Variants in GBE1 observed in about 807,000 individuals in gnomAD.
The protein encoded by GBE1 is 1,4-alpha-glucan-branching enzyme.
A neutral mutation model predicts 88.8 loss-of-function variants in GBE1; 70 were observed. The ratio of observed to expected loss-of-function variants is 0.79; its 90% CI spans 0.65 to 0.96. The LOEUF is 0.96. GBE1 is among the 40% of genes least tolerant of loss of function. The probability of loss-of-function intolerance (pLI) is 0.00; values close to 1 mark genes in which losing one functional copy is unlikely to be tolerated. For synonymous variants in GBE1, 284 were observed against 300.1 expected (o/e 0.95, Z 0.56); for missense variants, 872 against 871.0 (o/e 1.00, Z -0.01).
chr3:81,491,644 ATC>A, intron 15 of GBE1, among the ~76,000 whole-genome samples: 1 of 152,244 alleles, frequency 6.6e-6, no homozygotes, highest in South Asian at 2.1e-4. Flanking sequence ...CATTGTGACA[ATC>A]TGTCTTCACT....
At chr3:81,659,814 A>G (rs1341688401) in intron 3 of GBE1, among the ~76,000 whole-genome samples, 2 of 152,230 alleles carry the variant, frequency 1.3e-5, no homozygotes, top group African/African-American at 4.8e-5. Context: ...ACATACAATT[A>G]CATATTCAAT....
intron 7 of GBE1, among the ~76,000 whole-genome samples, chr3:81,634,732 T>C (rs1167964655): frequency 6.6e-6 from 1 of 152,088 alleles, no homozygotes; most frequent in Non-Finnish European, 1.5e-5. Context: ...ACATTTAATA[T>C]GGAAACAACA....
intron 12 of GBE1, among the ~76,000 whole-genome samples, chr3:81,543,297 T>G (rs1356679636): frequency 6.6e-6 from 1 of 152,104 alleles, no homozygotes; most frequent in East Asian, 1.9e-4. Flanking sequence ...AGAAAAATTG[T>G]ATCAGTGATT....
chr3:81,667,580 G>T (rs1705129318), intron 3 of GBE1, among the ~76,000 whole-genome samples: 1 of 152,090 alleles, frequency 6.6e-6, no homozygotes, highest in Admixed American at 6.5e-5. Flanking sequence ...TTAGTTGTGG[G>T]TTTGTCATAA....
intron 14 of GBE1, among the ~76,000 whole-genome samples, chr3:81,518,539 A>G (rs1351856414): frequency 6.6e-6 from 1 of 151,470 alleles, no homozygotes; most frequent in African/African-American, 2.4e-5. Context: ...ATTCCTGGGT[A>G]GAGAAATGAA....
chr3:81,524,177 G>A (rs1576131540), intron 14 of GBE1, among the ~76,000 whole-genome samples: 1 of 151,604 alleles, frequency 6.6e-6, no homozygotes, highest in East Asian at 1.9e-4. Flanking sequence ...CCTGTCTTTT[G>A]GAAAAAAGTT....
At chr3:81,759,349 C>A (rs866959550) in intron 1 of GBE1, among the ~76,000 whole-genome samples, 1 of 152,134 alleles carries the variant, frequency 6.6e-6, no homozygotes, top group Non-Finnish European at 1.5e-5. Flanking sequence ...GTTGTTTGTA[C>A]CTCAAATTTT....
chr3:81,683,329 A>G (rs533337648), intron 2 of GBE1, among the ~76,000 whole-genome samples: 1 of 152,326 alleles, frequency 6.6e-6, no homozygotes, highest in Non-Finnish European at 1.5e-5. Context: ...CTTTTGCCCT[A>G]GAATAAAATC....
chr3:81,614,038 T>C (rs1576170310), intron 7 of GBE1, among the ~76,000 whole-genome samples: 1 of 152,066 alleles, frequency 6.6e-6, no homozygotes, highest in South Asian at 2.1e-4. Context: ...CTTTTTTTTG[T>C]TTTTTTAGAG....
intron 14 of GBE1, among the ~76,000 whole-genome samples, chr3:81,506,247 G>C (rs1237340512): frequency 6.6e-6 from 1 of 152,048 alleles, no homozygotes; most frequent in Non-Finnish European, 1.5e-5. Flanking sequence ...AGTAGGCAAA[G>C]GACATGAACA....
At position 81,547,569 on chromosome 3, in the gene GBE1, G is replaced by A. The variant is rs574135047; in HGVS notation, c.1619-10474C>T. On this transcript the variant is annotated intron_variant, in intron 12 of 15. Transcript: ENST00000429644. ...TCAGGGCAAGGGAACCCAGAAGCCC[G>A]GCATGCCAGCAAAAGGATAAGAATT... Among the ~76,000 whole-genome samples the A allele has an allele frequency of 6.6e-5, 10 of 150,852 alleles. No individual in the cohort carries two copies. In the East Asian group the frequency reaches 1.6e-3, roughly 23 times the overall value.
At chr3:81,541,823 T>C (rs1402882306) in intron 12 of GBE1, among the ~76,000 whole-genome samples, 1 of 152,238 alleles carries the variant, frequency 6.6e-6, no homozygotes, top group East Asian at 1.9e-4. Flanking sequence ...AAGAGTAGCA[T>C]AATTACAATT....
intron 8 of GBE1, among the ~76,000 whole-genome samples, chr3:81,591,608 A>C (rs942486447): frequency 6.6e-6 from 1 of 152,160 alleles, no homozygotes; most frequent in Non-Finnish European, 1.5e-5. Context: ...TATTATTTCA[A>C]ACACACACTT....
intron 1 of GBE1, among the ~76,000 whole-genome samples, chr3:81,734,699 T>C (rs944750718): frequency 1.3e-5 from 2 of 152,078 alleles, no homozygotes; most frequent in African/African-American, 4.8e-5. Flanking sequence ...CCTAAAACAA[T>C]GAAGGTGTTC....
At chr3:81,609,031 A>G (rs1042422439) in intron 7 of GBE1, among the ~76,000 whole-genome samples, 12 of 152,210 alleles carry the variant, frequency 7.9e-5, no homozygotes, top group African/African-American at 2.9e-4. Flanking sequence ...GAATGGAGAC[A>G]CTAAAGGAAG....
In GBE1 at chr3:81,636,596, T is replaced by A. The variant is rs978537369; in HGVS notation, c.992+6185A>T. Among the ~76,000 whole-genome samples, 174 of 151,714 alleles carry A rather than the reference T, an allele frequency of 1.1e-3. 2 individuals are homozygous for A. Among genetic ancestry groups the A allele is most frequent in the Non-Finnish European group, 1.5e-4 (10 of 67,914 alleles). On this transcript the variant is annotated intron_variant, in intron 7 of 15. Transcript: ENST00000429644. ...TCCAGGCTGGAGTGCAATGGCGCAA[T>A]CTCGGCTCACTGCAACCTCCGCCTC...
At chr3:81,659,106 G>C (rs1704985003) in intron 3 of GBE1, among the ~76,000 whole-genome samples, 1 of 152,084 alleles carries the variant, frequency 6.6e-6, no homozygotes, top group Non-Finnish European at 1.5e-5. Flanking sequence ...TCCATGTGCA[G>C]TGAAGGTTAG....
chr3:81,729,240 G>C (rs1166144810), intron 1 of GBE1, among the ~76,000 whole-genome samples: 1 of 152,114 alleles, frequency 6.6e-6, no homozygotes, highest in Non-Finnish European at 1.5e-5. Flanking sequence ...CAAGTGACTT[G>C]AACTCCAAAG....
intron 12 of GBE1, among the ~76,000 whole-genome samples, chr3:81,540,910 G>A (rs757778142): frequency 1.3e-5 from 2 of 151,992 alleles, no homozygotes; most frequent in African/African-American, 4.8e-5. Context: ...TTAACTGACA[G>A]TTGATTATAT....
Sources: gnomAD v4.1 joint callset for allele counts (sites outside exome capture counted in the v4.1 genomes callset) on GRCh38, gnomAD v4.1.1 for gene constraint, MANE v1.5 for transcripts, NCBI Gene and HGNC (gene_info 2026-07-23, HGNC 2026-07-21) for gene names.